Variants in SSPN observed in about 807,000 individuals in gnomAD.
SSPN encodes the protein K-ras oncogene-associated protein.
SSPN carries 15 observed loss-of-function variants against 19.1 expected under a neutral mutation model. The ratio of observed to expected loss-of-function variants is 0.78; its 90% CI spans 0.52 to 1.21. SSPN has a LOEUF of 1.21. Ranked by LOEUF, SSPN falls within the 50% of genes most tolerant of loss-of-function variation. SSPN has a pLI of 0.00. For synonymous variants in SSPN, 147 were observed against 140.3 expected (o/e 1.05, Z -0.34); for missense variants, 291 against 314.0 (o/e 0.93, Z 0.55).
intron 1 of SSPN, among the ~76,000 whole-genome samples, chr12:26,145,538 G>A (rs1425408251): frequency 1.3e-5 from 2 of 152,218 alleles, no homozygotes; most frequent in Non-Finnish European, 2.9e-5. Flanking sequence ...TACCCTGTTA[G>A]GAGATGGCAG....
At chr12:26,131,487 C>G (rs1232532104) in intron 1 of SSPN, among the ~76,000 whole-genome samples, 3 of 152,230 alleles carry the variant, frequency 2.0e-5, no homozygotes, top group Non-Finnish European at 4.4e-5. Context: ...AAGGCATTCT[C>G]TGATAGTTCC....
chr12:26,220,204 C>T (rs1015570979), intron 1 of SSPN, among the ~76,000 whole-genome samples: 4 of 139,506 alleles, frequency 2.9e-5, no homozygotes, highest in Non-Finnish European at 6.1e-5. Flanking sequence ...CATCAATAAA[C>T]TCTTTGATAA....
At chr12:26,155,561 C>T (rs1012910888) in intron 1 of SSPN, among the ~76,000 whole-genome samples, 1 of 152,066 alleles carries the variant, frequency 6.6e-6, no homozygotes, top group Non-Finnish European at 1.5e-5. Flanking sequence ...GACTGATGAC[C>T]ACTGGTTGGT....
chr12:26,173,652 T>C (rs1368824723), intron 1 of SSPN, among the ~76,000 whole-genome samples: 2 of 152,356 alleles, frequency 1.3e-5, no homozygotes, highest in African/African-American at 2.4e-5. Flanking sequence ...CAAATACATA[T>C]GTTCAATCAT....
At chr12:26,139,665 A>C (rs1944447731) in intron 1 of SSPN, among the ~76,000 whole-genome samples, 1 of 152,238 alleles carries the variant, frequency 6.6e-6, no homozygotes, top group South Asian at 2.1e-4. Flanking sequence ...TCTGAAAAGC[A>C]AATAGTAAAA....
chr12:26,177,208 GCTA>G (rs1944689775), intron 1 of SSPN, among the ~76,000 whole-genome samples: 2 of 152,284 alleles, frequency 1.3e-5, no homozygotes, highest in African/African-American at 4.8e-5. Context: ...CTATTTTAAG[GCTA>G]CTATTATATT....
exon 1 of SSPN, chr12:26,122,102 C>A: frequency 6.5e-7 from 1 of 1,549,798 alleles, no homozygotes; most frequent in Non-Finnish European, 8.7e-7. Flanking sequence ...AGGGATCTTC[C>A]TGAGCAGAGC....
chr12:26,122,132 G>C, exon 1 of SSPN: 5 of 1,548,814 alleles, frequency 3.2e-6, no homozygotes, highest in Middle Eastern at 3.4e-4. Context: ...TCCCCGGCTC[G>C]CGGGGCCCGG....
chr12:26,125,293 G>GGGGGTGCA (rs1944354855), intron 1 of SSPN: 1 of 237,170 alleles, frequency 4.2e-6, no homozygotes, highest in Admixed American at 5.2e-5. Context: ...AGGGGGGAGT[G>GGGGGTGCA]GGGGTGCAGG....
chr12:26,139,024 G>A (rs1210249260), intron 1 of SSPN, among the ~76,000 whole-genome samples: 1 of 152,108 alleles, frequency 6.6e-6, no homozygotes, highest in Non-Finnish European at 1.5e-5. Context: ...GTAGTGTGCT[G>A]GTAAATGTTT....
At chr12:26,222,397 GC>G (rs1272569824) in intron 1 of SSPN, among the ~76,000 whole-genome samples, 1 of 152,224 alleles carries the variant, frequency 6.6e-6, no homozygotes, top group African/African-American at 2.4e-5. Context: ...ACCTGAAAAT[GC>G]CATGTTGCCT....
At chr12:26,133,327 A>G (rs1017028670) in intron 1 of SSPN, among the ~76,000 whole-genome samples, 1 of 152,100 alleles carries the variant, frequency 6.6e-6, no homozygotes, top group African/African-American at 2.4e-5. Context: ...CATCCAATTA[A>G]TAACAATATC....
intron 1 of SSPN, among the ~76,000 whole-genome samples, chr12:26,161,825 C>T (rs914994893): frequency 2.6e-5 from 4 of 152,278 alleles, no homozygotes; most frequent in South Asian, 2.1e-4. Context: ...TCCTCGCATG[C>T]GCAGTTCACA....
At chr12:26,230,476 A>G (rs1468275055) in intron 2 of SSPN, among the ~76,000 whole-genome samples, 1 of 152,210 alleles carries the variant, frequency 6.6e-6, no homozygotes, top group Non-Finnish European at 1.5e-5. Flanking sequence ...ACTCTTGAAA[A>G]GGGCCCAACA....
chr12:26,142,115 G>A (rs937098881), intron 1 of SSPN, among the ~76,000 whole-genome samples: 1 of 152,160 alleles, frequency 6.6e-6, no homozygotes, highest in African/African-American at 2.4e-5. Flanking sequence ...ATTTGGTTAT[G>A]CTGGGCCTAA....
chr12:26,195,430 T>C, upstream of SSPN: 1 of 625,882 alleles, frequency 1.6e-6, no homozygotes, highest in Non-Finnish European at 2.3e-6. Context: ...CTGCAAATCC[T>C]GCCCGGGGCC....
chr12:26,164,829 G>A (rs1362026382), intron 1 of SSPN, among the ~76,000 whole-genome samples: 1 of 152,150 alleles, frequency 6.6e-6, no homozygotes, highest in Non-Finnish European at 1.5e-5. Context: ...ACAGCCCCAT[G>A]TAATTAGAAC....
intron 1 of SSPN, among the ~76,000 whole-genome samples, chr12:26,160,903 T>A (rs1050851718): frequency 2.6e-5 from 4 of 151,660 alleles, no homozygotes; most frequent in Non-Finnish European, 5.9e-5. Context: ...AGGTCAGGAG[T>A]TCGAGACCAG....
At chr12:26,197,474 A>G (rs1944840262) in intron 1 of SSPN, among the ~76,000 whole-genome samples, 2 of 152,222 alleles carry the variant, frequency 1.3e-5, no homozygotes, top group Admixed American at 6.5e-5. Flanking sequence ...CTTTAATGCC[A>G]GGGGAATTAA....
Sources: gnomAD v4.1 joint callset for allele counts (sites outside exome capture counted in the v4.1 genomes callset) on GRCh38, gnomAD v4.1.1 for gene constraint, MANE v1.5 for transcripts, NCBI Gene and HGNC (gene_info 2026-07-23, HGNC 2026-07-21) for gene names.